IRF2: variants seen among roughly 807,000 people sequenced by gnomAD.
The protein encoded by IRF2 is interferon regulatory factor 2.
A neutral mutation model predicts 40.6 loss-of-function variants in IRF2; 15 were observed. The observed-to-expected ratio is 0.37, with a 90% CI of 0.25 to 0.57. The LOEUF is 0.57. Among genes scored for constraint, IRF2 ranks in the 20% least tolerant of loss-of-function variants. The pLI is 0.77. For synonymous variants in IRF2, 151 were observed against 165.5 expected (o/e 0.91, Z 0.67); for missense variants, 317 against 455.7 (o/e 0.70, Z 2.77).
intron 3 of IRF2, among the ~76,000 whole-genome samples, chr4:184,418,999 C>T (rs192592730): frequency 1.7e-3 from 257 of 152,210 alleles, no homozygotes; most frequent in Middle Eastern, 0.014. Context: ...GGAGCATCAG[C>T]GTAAGAAAAA....
Position 184,435,612 on chromosome 4 carries a change from T to C in IRF2, c.-6-6542A>G, listed in dbSNP as rs1210873360. Among the ~76,000 whole-genome samples, 3 of 152,182 alleles carry C rather than the reference T, an allele frequency of 2.0e-5. No individual in the cohort carries two copies. In the South Asian group the frequency reaches 6.2e-4, roughly 31 times the overall value. On this transcript the variant is annotated intron_variant, in intron 1 of 8. Coordinates refer to ENST00000393593, the MANE Select transcript of IRF2 (RefSeq NM_002199.4). ...AAAAAGAAACCCAGGAAGGTGAACC[T>C]GACATTTAGGGCTGCTGTCGTCCTA...
chr4:184,390,597 G>A, intron 8 of IRF2, 106 bp downstream of exon 8: 1 of 1,032,640 alleles, frequency 9.7e-7, no homozygotes, highest in Non-Finnish European at 1.5e-6. Context: ...CCAAAGTGAA[G>A]CTTGTGATCT....
chr4:184,451,009 C>T (rs934140216), intron 1 of IRF2, among the ~76,000 whole-genome samples: 1 of 152,196 alleles, frequency 6.6e-6, no homozygotes. Context: ...AAAACAGACA[C>T]AGGAATTGTC....
rs575671468 is a variant in IRF2 at position 184,464,338 on chromosome 4, A to G, written c.-7+10041T>C. ...TGTATAGGGTATGAAGATGGGGACC[A>G]TAAAAGGTCTGAAGATAGGACCATA... On this transcript the variant is annotated intron_variant, in intron 1 of 8. Coordinates refer to ENST00000393593, the MANE Select transcript of IRF2 (RefSeq NM_002199.4). 7.2e-5 allele frequency among the ~76,000 whole-genome samples: 11 copies of G among 152,292 alleles called. No individual in the cohort carries two copies. The South Asian group carries it at 2.3e-3, about 32-fold the overall frequency.
chr4:184,418,371 T>A, intron 4 of IRF2, 158 bp from the exon 5 acceptor site: 1 of 934,582 alleles, frequency 1.1e-6, no homozygotes, highest in Non-Finnish European at 1.7e-6. Flanking sequence ...CTCTGGTGAA[T>A]CGAAAGTCTT....
At chr4:184,470,138 G>A (rs1739464393) in intron 1 of IRF2, among the ~76,000 whole-genome samples, 1 of 152,200 alleles carries the variant, frequency 6.6e-6, no homozygotes, top group African/African-American at 2.4e-5. Flanking sequence ...GACGGGGCAG[G>A]CAGAGACCGA....
chr4:184,442,667 C>G (rs1008568852), intron 1 of IRF2, among the ~76,000 whole-genome samples: 1 of 151,950 alleles, frequency 6.6e-6, no homozygotes, highest in South Asian at 2.1e-4. Context: ...CACCTCCTGC[C>G]GTTTCAGTGC....
chr4:184,395,021 G>A (rs1736392712), intron 7 of IRF2, among the ~76,000 whole-genome samples: 1 of 152,134 alleles, frequency 6.6e-6, no homozygotes, highest in African/African-American at 2.4e-5. Context: ...ATGTGGTTTT[G>A]TAATATACTA....
At chr4:184,419,834 T>A (rs1428231521) in intron 2 of IRF2, among the ~76,000 whole-genome samples, 1 of 152,226 alleles carries the variant, frequency 6.6e-6, no homozygotes, top group Non-Finnish European at 1.5e-5. Context: ...TGATTTGACC[T>A]TGTGTGTTCC....
At position 184,388,444 on chromosome 4, in the gene IRF2, G is replaced by A. The variant is rs1473390954; in HGVS notation, c.*314C>T. 1.1e-5 allele frequency: 4 copies of A among 369,052 alleles called. No individual in the cohort carries two copies. Among genetic ancestry groups the A allele is most frequent in the Middle Eastern group, 7.0e-4 (1 of 1,426 alleles). 22.9% of individuals were successfully genotyped at this position (369,052 alleles called of 1,614,324 possible). On this transcript the variant is annotated 3_prime_UTR_variant, in exon 9 of 9. Transcript: ENST00000393593. The surrounding 1 kb of genome is among the most constrained non-coding windows in gnomAD (Gnocchi z 4.6). ...GTTCACATTATCTCGTCCGTTCTGA[G>A]GCATCCACTCCACCTTGCTGGCCTT...
At chr4:184,460,665 G>A (rs1219000755) in intron 1 of IRF2, among the ~76,000 whole-genome samples, 7 of 110,362 alleles carry the variant, frequency 6.3e-5, no homozygotes, top group African/African-American at 1.7e-4. Context: ...ACATGCACGC[G>A]CACACACACA....
chr4:184,420,857 G>A (rs1267039396), intron 2 of IRF2, among the ~76,000 whole-genome samples: 3 of 152,186 alleles, frequency 2.0e-5, no homozygotes, highest in Admixed American at 1.3e-4. Context: ...ATTTAGTCAA[G>A]GAACTTGCAG....
chr4:184,449,206 C>T (rs1189122421), intron 1 of IRF2, among the ~76,000 whole-genome samples: 1 of 152,204 alleles, frequency 6.6e-6, no homozygotes, highest in East Asian at 1.9e-4. Flanking sequence ...AACAGACTCT[C>T]ATCATTCCAC....
At chr4:184,390,983 T>C (rs57706980) in intron 7 of IRF2, among the ~76,000 whole-genome samples, 1 of 152,200 alleles carries the variant, frequency 6.6e-6, no homozygotes, top group Non-Finnish European at 1.5e-5. Flanking sequence ...GGGCTGTGTA[T>C]ACACTGGGCA....
At chr4:184,415,780 C>T (rs560954902) in intron 5 of IRF2, among the ~76,000 whole-genome samples, 3 of 152,302 alleles carry the variant, frequency 2.0e-5, no homozygotes, top group Admixed American at 2.0e-4. Context: ...TAATGGAAAA[C>T]CCCTCACTCC....
At chr4:184,469,257 G>A (rs1236981401) in intron 1 of IRF2, among the ~76,000 whole-genome samples, 1 of 152,190 alleles carries the variant, frequency 6.6e-6, no homozygotes, top group Non-Finnish European at 1.5e-5. Flanking sequence ...GAGCCGGCCA[G>A]CCTGTCCAAC....
chr4:184,422,737 C>T (rs1737526653), intron 2 of IRF2, among the ~76,000 whole-genome samples: 1 of 150,030 alleles, frequency 6.7e-6, no homozygotes, highest in Non-Finnish European at 1.5e-5. Context: ...AGACAGAGAG[C>T]AGAGAGCAGA....
intron 1 of IRF2, among the ~76,000 whole-genome samples, chr4:184,455,621 C>T (rs1209503957): frequency 1.3e-5 from 2 of 151,932 alleles, no homozygotes; most frequent in African/African-American, 4.8e-5. Context: ...GTGGATGAAT[C>T]CCTCCTGGAA....
intron 1 of IRF2, among the ~76,000 whole-genome samples, chr4:184,468,669 C>T (rs764018353): frequency 6.6e-6 from 1 of 152,106 alleles, no homozygotes; most frequent in Non-Finnish European, 1.5e-5. Context: ...CTATTTGGCC[C>T]TGGGAAGAGA....
Sources: gnomAD v4.1 joint callset for allele counts (sites outside exome capture counted in the v4.1 genomes callset) on GRCh38, gnomAD v4.1.1 for gene constraint, Gnocchi (gnomAD v3.1) non-coding constraint, MANE v1.5 for transcripts, NCBI Gene and HGNC (gene_info 2026-07-23, HGNC 2026-07-21) for gene names.